Variants in LPP observed in about 807,000 individuals in gnomAD.
LPP encodes LIM domain containing preferred translocation partner in lipoma, also known as lipoma-preferred partner.
A neutral mutation model predicts 60.4 loss-of-function variants in LPP; 38 were observed. The observed-to-expected ratio is 0.63, with a 90% CI of 0.49 to 0.83. The LOEUF is 0.83. LPP is among the 40% of genes least tolerant of loss of function. LPP has a pLI of 0.00. For missense variants in LPP, 902 were observed against 783.6 expected, an observed-to-expected ratio of 1.15 and a Z score of -1.80; for synonymous variants, 328 against 290.8, an observed-to-expected ratio of 1.13 and a Z score of -1.30.
rs551049014 is a variant in LPP at position 188,694,709 on chromosome 3, A to T, written c.1114-13558A>T. Among the ~76,000 whole-genome samples, 97 of 150,980 alleles carry T rather than the reference A, an allele frequency of 6.4e-4. No homozygotes were observed. In the South Asian group the frequency reaches 7.1e-3, roughly 11 times the overall value. ...TGAAACTCCATCTCAAAAAAAAAAA[A>T]ATAAATAAAAACTAAAAAACAACCA... On this transcript the variant is annotated intron_variant, in intron 7 of 11. Transcript: ENST00000617246.
At position 188,665,249 on chromosome 3, in the gene LPP, T is replaced by A. The variant is rs894841061; in HGVS notation, c.1114-43018T>A. Among the ~76,000 whole-genome samples, 123 of 152,120 alleles carry A rather than the reference T, an allele frequency of 8.1e-4. 1 individual carries two copies. The highest frequency in any genetic ancestry group is 2.4e-4 in the Non-Finnish European group (16 of 68,020). ...TGTTGAATGGGCTACAGGCATTCAA[T>A]ACCCCGTAATACCCAAAATATCATT... On this transcript the variant is annotated intron_variant, in intron 7 of 11. Transcript: ENST00000617246.
chr3:188,370,300 G>A (rs988988745), intron 3 of LPP, among the ~76,000 whole-genome samples: 1 of 152,134 alleles, frequency 6.6e-6, no homozygotes, highest in African/African-American at 2.4e-5. Flanking sequence ...TATACAGAGA[G>A]CTCATGTAAA....
chr3:188,693,324 C>T (rs1862518231), intron 7 of LPP, among the ~76,000 whole-genome samples: 1 of 152,112 alleles, frequency 6.6e-6, no homozygotes, highest in African/African-American at 2.4e-5. Context: ...AGCCAGAGTA[C>T]TTATTTCATT....
intron 4 of LPP, among the ~76,000 whole-genome samples, chr3:188,425,110 G>T (rs901826840): frequency 6.6e-6 from 1 of 151,950 alleles, no homozygotes; most frequent in African/African-American, 2.4e-5. Context: ...TTATTTTGAG[G>T]TATGTTCCAT....
intron 8 of LPP, among the ~76,000 whole-genome samples, chr3:188,732,691 C>T (rs1382875903): frequency 7.4e-6 from 1 of 134,620 alleles, no homozygotes; most frequent in African/African-American, 2.8e-5. Flanking sequence ...GTGTTCCAGC[C>T]CTAGCGACAG....
chr3:188,664,733 C>T (rs1855397258), intron 7 of LPP, among the ~76,000 whole-genome samples: 1 of 151,988 alleles, frequency 6.6e-6, no homozygotes, highest in African/African-American at 2.4e-5. Flanking sequence ...TCCATATCTT[C>T]TGTATTATAT....
chr3:188,495,008 T>C (rs1468176030), intron 5 of LPP, among the ~76,000 whole-genome samples: 2 of 140,100 alleles, frequency 1.4e-5, no homozygotes, highest in African/African-American at 5.1e-5. Flanking sequence ...ATTTGCACCA[T>C]GCCTCCTCAG....
At chr3:188,440,439 T>C (rs1285858062) in intron 4 of LPP, among the ~76,000 whole-genome samples, 1 of 152,180 alleles carries the variant, frequency 6.6e-6, no homozygotes, top group Non-Finnish European at 1.5e-5. Context: ...AGCATTTCCT[T>C]CTAGGATTTT....
chr3:188,377,133 T>A (rs1210112439), intron 3 of LPP, among the ~76,000 whole-genome samples: 1 of 152,248 alleles, frequency 6.6e-6, no homozygotes, highest in Non-Finnish European at 1.5e-5. Flanking sequence ...CTGGCTGCCC[T>A]TAACATTTTT....
chr3:188,785,723 C>T, intron 9 of LPP, among the ~76,000 whole-genome samples: 1 of 151,632 alleles, frequency 6.6e-6, no homozygotes, highest in East Asian at 1.9e-4. Context: ...GGTAGATACC[C>T]AGTAGTGGGA....
chr3:188,867,542 C>T (rs1030575206), intron 10 of LPP, among the ~76,000 whole-genome samples: 4 of 152,002 alleles, frequency 2.6e-5, no homozygotes, highest in Non-Finnish European at 4.4e-5. Context: ...TGGGGTTTCG[C>T]CATGTTGGCC....
At chr3:188,400,292 G>A (rs1781939286) in intron 3 of LPP, among the ~76,000 whole-genome samples, 1 of 152,180 alleles carries the variant, frequency 6.6e-6, no homozygotes, top group South Asian at 2.1e-4. Context: ...GAGATTTGGA[G>A]TTAAAGATCT....
intron 9 of LPP, among the ~76,000 whole-genome samples, chr3:188,786,924 G>A (rs1253884149): frequency 6.6e-6 from 1 of 152,168 alleles, no homozygotes; most frequent in Non-Finnish European, 1.5e-5. Flanking sequence ...GTTAGGGATG[G>A]GAGACAAGAA....
intron 6 of LPP, among the ~76,000 whole-genome samples, chr3:188,597,872 G>A (rs932774332): frequency 2.6e-5 from 4 of 152,218 alleles, no homozygotes; most frequent in Non-Finnish European, 5.9e-5. Context: ...AGACCCTAAG[G>A]ATGGAAAGCC....
At chr3:188,640,241 C>A (rs1207027993) in intron 7 of LPP, among the ~76,000 whole-genome samples, 1 of 151,146 alleles carries the variant, frequency 6.6e-6, no homozygotes, top group Non-Finnish European at 1.5e-5. Context: ...AATTGGAAAT[C>A]ATCATTCTCA....
chr3:188,676,794 G>A (rs977916684), intron 7 of LPP, among the ~76,000 whole-genome samples: 6 of 152,172 alleles, frequency 3.9e-5, no homozygotes, highest in African/African-American at 1.2e-4. Flanking sequence ...GCCTCCCAAT[G>A]AGTGTGGGAG....
intron 3 of LPP, among the ~76,000 whole-genome samples, chr3:188,404,444 T>C (rs1217921770): frequency 6.6e-6 from 1 of 152,138 alleles, no homozygotes; most frequent in East Asian, 1.9e-4. Context: ...CGAGTCTCAT[T>C]CTATTGCCCA....
At chr3:188,229,522 A>G (rs1719057990) in intron 2 of LPP, among the ~76,000 whole-genome samples, 1 of 152,134 alleles carries the variant, frequency 6.6e-6, no homozygotes. Context: ...CTTTCTGGGC[A>G]TGTGTGAGCA....
intron 3 of LPP, among the ~76,000 whole-genome samples, chr3:188,366,384 A>G (rs1413881875): frequency 6.6e-6 from 1 of 152,136 alleles, no homozygotes; most frequent in Non-Finnish European, 1.5e-5. Flanking sequence ...ATTTTGCCTT[A>G]GAGGGGATTC....
Sources: allele counts gnomAD v4.1 joint callset (sites outside exome capture counted in the v4.1 genomes callset), GRCh38; gene constraint gnomAD v4.1.1; transcripts MANE v1.5; gene names NCBI Gene and HGNC (gene_info 2026-07-23, HGNC 2026-07-21).